The following HMGCS2 variants were observed in gnomAD, a reference collection of about 807,000 sequenced individuals.
The protein encoded by HMGCS2 is hydroxymethylglutaryl-CoA synthase, mitochondrial.
In HMGCS2, 50 loss-of-function variants were observed where a neutral mutation model predicts 57.4. The observed-to-expected ratio is 0.87, with a 90% CI of 0.69 to 1.10. The LOEUF (loss-of-function observed/expected upper bound fraction) is 1.10. Ranked by LOEUF, HMGCS2 falls within the 50% of genes least tolerant of loss-of-function variation. The probability of loss-of-function intolerance (pLI) is 0.00; values close to 1 mark genes in which losing one functional copy is unlikely to be tolerated. For missense variants in HMGCS2, 627 were observed against 636.5 expected, an observed-to-expected ratio of 0.99 and a Z score of 0.16; for synonymous variants, 254 against 245.1, an observed-to-expected ratio of 1.04 and a Z score of -0.34.
chr1:119,759,174 G>A lies in HMGCS2; in HGVS notation c.794C>T (p.Ala265Val). 1 of 1,614,090 alleles carries A rather than the reference G, an allele frequency of 6.2e-7. No individual in the cohort carries two copies. Among genetic ancestry groups the A allele is most frequent in the Non-Finnish European group, 8.5e-7 (1 of 1,180,010 alleles). ...GKLSIQCYLRALDRCYTSYRK... is the reference protein window; with the variant it reads ...GKLSIQCYLRVLDRCYTSYRK... Reference sequence around the variant, plus strand: ...GTATGATGTGTAACATCGATCCAAGGCCCGCAAGTAGCACTGGATGGAAAG... The same window carrying A: ...GTATGATGTGTAACATCGATCCAAGACCCGCAAGTAGCACTGGATGGAAAG... The change falls in exon 4 of 10, where the codon GCC becomes GTC. Residue 265 changes from alanine (A) to valine (V), a missense_variant. Physicochemically the swap from Ala to Val is moderately conservative, Grantham distance 64. Transcript: ENST00000369406.
At chr1:119,757,168 A>G in intron 5 of HMGCS2, 105 bp downstream of exon 5, 1 of 1,583,680 alleles carries the variant, frequency 6.3e-7, no homozygotes, top group East Asian at 2.2e-5. Context: ...GAGGATTGCC[A>G]TTTGTCCCCC....
At chr1:119,749,997 A>G (rs1311566805) in intron 9 of HMGCS2, among the ~76,000 whole-genome samples, 1 of 152,194 alleles carries the variant, frequency 6.6e-6, no homozygotes, top group Non-Finnish European at 1.5e-5. Context: ...TTTAAAAACG[A>G]TCATAAAGAA....
intron 9 of HMGCS2, among the ~76,000 whole-genome samples, chr1:119,749,228 C>G (rs1376431139): frequency 6.6e-6 from 1 of 152,218 alleles, no homozygotes; most frequent in East Asian, 1.9e-4. Context: ...GTCAAGAGTT[C>G]CAGCTTTTTT....
At chr1:119,764,031 T>A (rs1653125542) in intron 2 of HMGCS2, 141 bp downstream of exon 2, 1 of 721,972 alleles carries the variant, frequency 1.4e-6, no homozygotes, top group Admixed American at 2.0e-5. Flanking sequence ...GTGGTTATTG[T>A]GGGATGATAG....
At chr1:119,753,593 C>G (rs1349811663) in intron 6 of HMGCS2, among the ~76,000 whole-genome samples, 1 of 152,128 alleles carries the variant, frequency 6.6e-6, no homozygotes, top group Non-Finnish European at 1.5e-5. Context: ...CAGGGACAGG[C>G]CTTTGTGTAG....
intron 4 of HMGCS2, 76 bp downstream of exon 4, chr1:119,759,042 C>T: frequency 7.2e-7 from 1 of 1,393,776 alleles, no homozygotes; most frequent in South Asian, 1.2e-5. Context: ...GAGAAAAGAC[C>T]ATCTCATGGC....
Position 119,761,450 on chromosome 1 carries a change from T to C in HMGCS2, c.560-1461A>G, listed in dbSNP as rs587609510. 2.6e-5 allele frequency among the ~76,000 whole-genome samples: 4 copies of C among 152,150 alleles called. No individual in the cohort carries two copies. The South Asian group carries it at 8.3e-4, about 32-fold the overall frequency. ...ACAATCAACAAAAATCAATTTATCTTCATTTATAAAAGTTTCATTAAAAAG... is the reference window on the plus strand; with the variant it reads ...ACAATCAACAAAAATCAATTTATCTCCATTTATAAAAGTTTCATTAAAAAG... On this transcript the variant is annotated intron_variant, in intron 2 of 9. Coordinates refer to ENST00000369406, the MANE Select transcript of HMGCS2 (RefSeq NM_005518.4).
chr1:119,760,527 C>G (rs1653001727), intron 2 of HMGCS2, among the ~76,000 whole-genome samples: 1 of 152,172 alleles, frequency 6.6e-6, no homozygotes, highest in Non-Finnish European at 1.5e-5. Flanking sequence ...GATATTCAAA[C>G]CCAGTTCTGA....
At position 119,759,891 on chromosome 1, in the gene HMGCS2, GC is replaced by G; in HGVS notation, c.657del (p.Lys221ArgfsTer10). 1 of 1,614,142 alleles carries G rather than the reference GC, an allele frequency of 6.2e-7. No homozygotes were observed. On this transcript the variant is annotated frameshift_variant, in exon 3 of 10. Transcript: ENST00000369406. LOFTEE classifies it high-confidence loss of function. ...CGCTCCAGGGCCAGAGGGGCCTTGG[GC>G]CCAATCAGCATAGCCACAGCTCCGG... ...GGAGAVAMLI[G>X]PKAPLALERG... is the part of the protein sequence containing the mutation.
In HMGCS2 at chr1:119,758,409, CT is replaced by C. The variant is rs113295409; in HGVS notation, c.850+708del. Among the ~76,000 whole-genome samples the C allele has an allele frequency of 4.5e-3, 662 of 146,098 alleles. 3 individuals are homozygous for C. The highest frequency in any genetic ancestry group is 0.013 in the African/African-American group (532 of 40,192). ...CCACCATGCCTGGCTAACTTTTGTACTTTTTTTTTTTAGAGACAGGGTCTTG... is the reference window on the plus strand; with the variant it reads ...CCACCATGCCTGGCTAACTTTTGTACTTTTTTTTTTAGAGACAGGGTCTTG... On this transcript the variant is annotated intron_variant, in intron 4 of 9. Coordinates refer to ENST00000369406, the MANE Select transcript of HMGCS2 (RefSeq NM_005518.4).
In HMGCS2 at chr1:119,752,654, C is replaced by T; in HGVS notation, c.1315G>A (p.Val439Met). ...TTTGGCAGGTCTGATGTGCTGGACA[C>T]CAACTTGTCCAGGGGAGAGCCTGGG... ...AAPGSPLDKL[V>M]SSTSDLPKRL... The change falls in exon 8 of 10, where the codon GTG (valine) becomes ATG (methionine). Residue 439 changes from valine (V) to methionine (M), a missense_variant. Transcript: ENST00000369406. The T allele has an allele frequency of 6.2e-7, 1 of 1,614,076 alleles. No homozygotes were observed. The highest frequency in any genetic ancestry group is 8.5e-7 in the Non-Finnish European group (1 of 1,179,970).
chr1:119,753,259 T>A (rs1457296419), intron 7 of HMGCS2, 21 bp downstream of exon 7: 1 of 1,444,760 alleles, frequency 6.9e-7, no homozygotes, highest in Admixed American at 1.7e-5. Context: ...CAGGAAGGCC[T>A]ACTAGAAAGA....
At chr1:119,764,706 T>G in intron 1 of HMGCS2, 80 bp from the exon 2 acceptor site, 2 of 1,033,786 alleles carry the variant, frequency 1.9e-6, no homozygotes, top group Non-Finnish European at 3.0e-6. Flanking sequence ...AGCAATCATT[T>G]AATTAATTTT....
chr1:119,759,389 C>T (rs957606804), intron 3 of HMGCS2, 107 bp from the exon 4 acceptor site: 1 of 1,103,298 alleles, frequency 9.1e-7, no homozygotes, highest in African/African-American at 1.5e-5. Flanking sequence ...ATCTGTGTCC[C>T]ATGCCCAAGT....
intron 2 of HMGCS2, among the ~76,000 whole-genome samples, chr1:119,760,309 A>G (rs1244400490): frequency 6.6e-6 from 1 of 152,224 alleles, no homozygotes; most frequent in East Asian, 1.9e-4. Flanking sequence ...GCACACCATG[A>G]TCCTGAAATT....
chr1:119,749,812 C>A (rs1236218989), intron 9 of HMGCS2, among the ~76,000 whole-genome samples: 2 of 152,114 alleles, frequency 1.3e-5, no homozygotes, highest in East Asian at 1.9e-4. Flanking sequence ...CTCCATCTAC[C>A]AAAAGGAGGG....
At chr1:119,758,176 G>A (rs1652914284) in intron 4 of HMGCS2, among the ~76,000 whole-genome samples, 2 of 152,284 alleles carry the variant, frequency 1.3e-5, no homozygotes, top group Non-Finnish European at 2.9e-5. Context: ...GGGCATGCCT[G>A]AGCAGGCAAG....
rs1057521346 is a variant in HMGCS2, at chr1:119,759,952, G to A, written c.597C>T (p.Val199=). ...YAMVVCGDIA[V]YPSGNARPTG... ...TGGGACGAGCATTACCACTGGGATA[G>A]ACGGCAATGTCTCCACAGACCACCA... Residue 199 remains valine, a synonymous_variant, in exon 3 of 10, where the codon GTC becomes GTT. Coordinates refer to ENST00000369406, the MANE Select transcript of HMGCS2 (RefSeq NM_005518.4). 4 of 1,613,944 alleles carry A rather than the reference G, an allele frequency of 2.5e-6. No homozygotes were observed. The highest frequency in any genetic ancestry group is 1.3e-5 in the African/African-American group (1 of 74,930).
At chr1:119,762,756 T>C (rs1248366307) in intron 2 of HMGCS2, among the ~76,000 whole-genome samples, 1 of 152,250 alleles carries the variant, frequency 6.6e-6, no homozygotes, top group South Asian at 2.1e-4. Context: ...TTTCAATAAC[T>C]TGTTTTTTAA....
Sources: gnomAD v4.1 joint callset for allele counts (sites outside exome capture counted in the v4.1 genomes callset) on GRCh38, gnomAD v4.1.1 for gene constraint, MANE v1.5 for transcripts, NCBI Gene and HGNC (gene_info 2026-07-23, HGNC 2026-07-21) for gene names.